The following CPAMD8 variants were observed in gnomAD, a reference collection of about 807,000 sequenced individuals.
The protein encoded by CPAMD8 is C3 and PZP like alpha-2-macroglobulin domain containing 8, also known as C3 and PZP-like alpha-2-macroglobulin domain-containing protein 8.
A neutral mutation model predicts 224.7 loss-of-function variants in CPAMD8; 146 were observed. The ratio of observed to expected loss-of-function variants is 0.65; its 90% CI spans 0.57 to 0.75. The LOEUF is 0.75. Among genes scored for constraint, CPAMD8 ranks in the 30% least tolerant of loss-of-function variants. The probability of loss-of-function intolerance (pLI) is 0.00; values close to 1 mark genes in which losing one functional copy is unlikely to be tolerated. For synonymous variants in CPAMD8, 966 were observed against 1,044.6 expected, an observed-to-expected ratio of 0.92 and a Z score of 1.45; for missense variants, 2,301 against 2,537.5, an observed-to-expected ratio of 0.91 and a Z score of 2.00.
rs1018375541 is a variant in CPAMD8 at position 16,946,454 on chromosome 19, T to C, written c.2662+620A>G. Among the ~76,000 whole-genome samples, 11 of 146,564 alleles carry C rather than the reference T, an allele frequency of 7.5e-5. No individual in the cohort carries two copies. The East Asian group carries it at 2.3e-3, about 30-fold the overall frequency. On this transcript the variant is annotated intron_variant, in intron 21 of 41. Transcript: ENST00000443236. ...GTGTGTGAATGCATGTCTACACATG[T>C]GGGCATGTGTGTGGATCTGTGTGTA...
chr19:16,956,649 C>G (rs966072365), intron 19 of CPAMD8, among the ~76,000 whole-genome samples: 3 of 152,050 alleles, frequency 2.0e-5, no homozygotes, highest in South Asian at 2.1e-4. Flanking sequence ...GGGCAACATA[C>G]AGAGACCCCA....
intron 41 of CPAMD8, chr19:16,895,775 T>G (rs1253130564): frequency 1.3e-5 from 5 of 395,712 alleles, no homozygotes; most frequent in Middle Eastern, 4.0e-4. Flanking sequence ...TTAGGGATGC[T>G]GAACCTTAGC....
intron 19 of CPAMD8, among the ~76,000 whole-genome samples, chr19:16,954,515 T>A (rs1462617654): frequency 1.3e-5 from 2 of 152,128 alleles, no homozygotes; most frequent in Non-Finnish European, 2.9e-5. Flanking sequence ...CAATTCTACT[T>A]CTGGGTATAC....
Position 16,899,499 on chromosome 19 carries a change from G to T in CPAMD8, c.4824C>A (p.Arg1608=). The T allele has an allele frequency of 3.2e-6, 5 of 1,575,590 alleles. No homozygotes were observed. Among genetic ancestry groups the T allele is most frequent in the Non-Finnish European group, 4.4e-6 (5 of 1,145,500 alleles). The change falls in exon 37 of 42, where the codon CGC becomes CGA. Residue 1608 remains arginine, a synonymous_variant. Transcript: ENST00000443236. The surrounding 1 kb of genome is among the most constrained non-coding windows in gnomAD (Gnocchi z 5.4). ...CCTCATCAAAGTAGAAGAGCACTCGGCGTCCAGCCACTTCATACCTCTTCA... is the reference window on the plus strand; with the variant it reads ...CCTCATCAAAGTAGAAGAGCACTCGTCGTCCAGCCACTTCATACCTCTTCA... ...MGMKRYEVAG[R]RVLFYFDEIP... is the part of the protein sequence containing the mutation.
Position 16,894,921 on chromosome 19 carries a change from AACACAC to A in CPAMD8, c.5426+1249_5426+1254del, listed in dbSNP as rs3032709. 4.2e-4 allele frequency: 63 copies of A among 151,692 alleles called. 1 individual carries two copies. Among genetic ancestry groups the A allele is most frequent in the South Asian group, 1.4e-3 (8 of 5,776 alleles). 9.4% of individuals were successfully genotyped at this position (151,692 alleles called of 1,614,324 possible). A position where few individuals can be genotyped will look rare whatever the true frequency, so the allele number is the denominator to read the frequency against. ...CAACATACAGAGACCCCATCTCTAC[AACACAC>A]ACACACACACACACACACACACACA... is the stretch of plus-strand genomic sequence containing the variant. On this transcript the variant is annotated intron_variant, in intron 41 of 41. Transcript: ENST00000443236.
chr19:16,974,366 G>A (rs1184486569), intron 17 of CPAMD8, among the ~76,000 whole-genome samples: 1 of 151,802 alleles, frequency 6.6e-6, no homozygotes, highest in Non-Finnish European at 1.5e-5. Flanking sequence ...GCTGGGGCAC[G>A]AGGATCACCT....
At chr19:16,910,256 G>A (rs773922) in intron 29 of CPAMD8, among the ~76,000 whole-genome samples, 84,928 of 149,296 alleles carry the variant, frequency 0.57, 24,282 homozygotes, top group South Asian at 0.63. Context: ...CGCAATCTCC[G>A]CCTCCCAGGT....
At position 16,970,894 on chromosome 19, in the gene CPAMD8, G is replaced by A. The variant is rs1258650694; in HGVS notation, c.2210C>T (p.Pro737Leu). The A allele has an allele frequency of 6.2e-7, 1 of 1,613,442 alleles. No homozygotes were observed. Among genetic ancestry groups the A allele is most frequent in the Admixed American group, 1.7e-5 (1 of 59,790 alleles). ...TGCTCAATGTATAAGCCGTTACCTG[G>A]GGGGGTGCCTGGAAGGAGCCACTGC... ...LVAVAPSRHP[P>L]RTEKRKRTFF... is the part of the protein sequence containing the mutation. The change falls in exon 18 of 42, where the codon CCC becomes CTC. Residue 737 changes from proline (P) to leucine (L), a missense_variant. By Grantham distance (98) the Pro-to-Leu change is moderately conservative (BLOSUM62 -3). Transcript: ENST00000443236.
intron 26 of CPAMD8, among the ~76,000 whole-genome samples, chr19:16,923,690 A>G (rs1292129221): frequency 6.6e-6 from 1 of 152,210 alleles, no homozygotes; most frequent in East Asian, 1.9e-4. Flanking sequence ...GAGGCCGGGC[A>G]TCGTGGCTTG....
Position 17,004,155 on chromosome 19 carries a change from C to G in CPAMD8, c.673+118G>C, listed in dbSNP as rs1476936809. Reference sequence around the variant, plus strand: ...TCCTGACCTCAAGTGATCCGCCCACCTGGGCCTCCGAAAGTGCTGGGATTA... The same window carrying G: ...TCCTGACCTCAAGTGATCCGCCCACGTGGGCCTCCGAAAGTGCTGGGATTA... On this transcript the variant is annotated intron_variant, in intron 8 of 41. Transcript: ENST00000443236. 11 of 618,568 alleles carry G rather than the reference C, an allele frequency of 1.8e-5. No individual in the cohort carries two copies. The East Asian group carries it at 3.2e-4, about 18-fold the overall frequency. 38.3% of individuals were successfully genotyped at this position (618,568 alleles called of 1,614,324 possible).
At chr19:16,945,905 GTGTT>G (rs1033310967) in intron 21 of CPAMD8, among the ~76,000 whole-genome samples, 4 of 152,186 alleles carry the variant, frequency 2.6e-5, no homozygotes, top group Admixed American at 6.5e-5. Flanking sequence ...ACTTGTACAT[GTGTT>G]TGTGTGTACG....
chr19:16,997,069 G>T, intron 11 of CPAMD8, 42 bp downstream of exon 11: 1 of 1,278,356 alleles, frequency 7.8e-7, no homozygotes, highest in Non-Finnish European at 1.1e-6. Context: ...TGGTTTCACG[G>T]TGGTCCTTGG....
chr19:17,014,630 G>C (rs1353023029), intron 3 of CPAMD8, among the ~76,000 whole-genome samples: 3 of 151,678 alleles, frequency 2.0e-5, no homozygotes, highest in African/African-American at 7.3e-5. Context: ...GAGAGAATGA[G>C]AGCCAAGCAA....
At chr19:16,970,051 A>G (rs530732105) in intron 18 of CPAMD8, among the ~76,000 whole-genome samples, 98 of 149,468 alleles carry the variant, frequency 6.6e-4, no homozygotes, top group East Asian at 1.6e-3. Context: ...TGGCTAACAC[A>G]GTGAAACCCC....
chr19:17,000,299 T>C, intron 10 of CPAMD8, 115 bp downstream of exon 10: 1 of 599,916 alleles, frequency 1.7e-6, no homozygotes. Flanking sequence ...ATTCAAAAAC[T>C]TTTTAAAGGC....
At chr19:17,003,039 A>C (rs769439115) in intron 8 of CPAMD8, among the ~76,000 whole-genome samples, 5 of 151,550 alleles carry the variant, frequency 3.3e-5, no homozygotes, top group African/African-American at 4.8e-5. Flanking sequence ...AGTAGCTGGG[A>C]CTGCAGGCAC....
intron 20 of CPAMD8, among the ~76,000 whole-genome samples, chr19:16,950,975 C>A (rs979030572): frequency 6.6e-6 from 1 of 151,886 alleles, no homozygotes; most frequent in African/African-American, 2.4e-5. Flanking sequence ...CTTACTAGCC[C>A]AAGGAGACTA....
chr19:16,928,769 GTT>G (rs140892830), intron 24 of CPAMD8, among the ~76,000 whole-genome samples, 171 bp downstream of exon 24: 7 of 127,838 alleles, frequency 5.5e-5, no homozygotes, highest in Non-Finnish European at 6.7e-5. Context: ...CTTGCTACAT[GTT>G]TTTTTTTTTT....
Position 17,008,395 on chromosome 19 carries a change from T to C in CPAMD8, c.559+110A>G, listed in dbSNP as rs561102949. On this transcript the variant is annotated intron_variant, in intron 7 of 41. Transcript: ENST00000443236. ...CCGCTCCTCCTTGGTCCCCTCCAGC[T>C]GGAGCAGCAGTGGGGGTACATTAGC... is the stretch of plus-strand genomic sequence containing the variant. 7.8e-5 allele frequency: 106 copies of C among 1,355,434 alleles called. No homozygotes were observed. In the East Asian group the frequency reaches 2.6e-3, roughly 33 times the overall value. 84.0% of individuals were successfully genotyped at this position (1,355,434 alleles called of 1,614,324 possible).
Sources: allele counts gnomAD v4.1 joint callset (sites outside exome capture counted in the v4.1 genomes callset), GRCh38; gene constraint gnomAD v4.1.1; non-coding constraint Gnocchi (gnomAD v3.1); transcripts MANE v1.5; gene names NCBI Gene and HGNC (gene_info 2026-07-23, HGNC 2026-07-21).